The following DNM3 variants were observed in gnomAD, a reference collection of about 807,000 sequenced individuals.
DNM3 encodes the protein dynamin-3.
Under a neutral mutation model 101.6 loss-of-function variants are expected in DNM3, and 47 were observed. The ratio of observed to expected loss-of-function variants is 0.46; its 90% confidence interval spans 0.37 to 0.59. The LOEUF (loss-of-function observed/expected upper bound fraction) is 0.59, where lower values mean the gene tolerates loss of function less well. DNM3 is among the 20% of genes least tolerant of loss of function. DNM3 has a pLI of 0.00. For synonymous variants in DNM3, 385 were observed against 387.9 expected, an observed-to-expected ratio of 0.99 and a Z score of 0.09; for missense variants, 849 against 1,085.7, an observed-to-expected ratio of 0.78 and a Z score of 3.06.
intron 1 of DNM3, among the ~76,000 whole-genome samples, chr1:171,877,943 T>C (rs891934212): frequency 6.6e-6 from 1 of 152,212 alleles, no homozygotes; most frequent in Non-Finnish European, 1.5e-5. Context: ...TTTGTGAAGA[T>C]CTGTACTTGC....
At chr1:172,049,599 A>T in intron 10 of DNM3, among the ~76,000 whole-genome samples, 1 of 152,272 alleles carries the variant, frequency 6.6e-6, no homozygotes, top group Non-Finnish European at 1.5e-5. Context: ...TCTTGTATTG[A>T]AAAACACAAA....
chr1:172,007,078 C>T (rs1273131487), intron 4 of DNM3, among the ~76,000 whole-genome samples: 2 of 151,938 alleles, frequency 1.3e-5, no homozygotes. Flanking sequence ...ATCTTTAGGT[C>T]GTTTCTAGTT....
intron 15 of DNM3, among the ~76,000 whole-genome samples, chr1:172,269,202 G>A (rs548066553): frequency 2.0e-5 from 3 of 152,246 alleles, no homozygotes; most frequent in African/African-American, 7.2e-5. Context: ...AGCCCAACAC[G>A]GCTATGTAAA....
chr1:172,114,607 A>G (rs1183749686), intron 13 of DNM3, among the ~76,000 whole-genome samples: 1 of 152,196 alleles, frequency 6.6e-6, no homozygotes, highest in Non-Finnish European at 1.5e-5. Flanking sequence ...TGTTCCCTGT[A>G]CTAACACTTA....
At chr1:172,344,779 C>T (rs2066856306) in intron 17 of DNM3, among the ~76,000 whole-genome samples, 1 of 151,988 alleles carries the variant, frequency 6.6e-6, no homozygotes. Flanking sequence ...AGCTCAAACT[C>T]GAAATAGACG....
At chr1:172,248,990 A>G (rs2062063787) in intron 14 of DNM3, among the ~76,000 whole-genome samples, 1 of 152,186 alleles carries the variant, frequency 6.6e-6, no homozygotes. Context: ...GAACAAATAC[A>G]ATAATTAAAG....
In DNM3 at chr1:172,410,177, G is replaced by A; in HGVS notation, c.*2336G>A. On this transcript the variant is annotated 3_prime_UTR_variant, in exon 21 of 21. Coordinates refer to ENST00000627582, the MANE Select transcript of DNM3 (RefSeq NM_015569.5). ...TATTTTTAATTTGCTGCAGTACTAT[G>A]TCATATTATTAGTATGAATCTCATT... 1 of 985,310 alleles carries A rather than the reference G, an allele frequency of 1.0e-6. No individual in the cohort carries two copies. The highest frequency in any genetic ancestry group is 1.7e-5 in the African/African-American group (1 of 57,340). The allele number at this position is 985,310 out of a possible 1,614,324, so 61.0% of individuals were successfully genotyped here.
In DNM3 at chr1:172,396,976, T is replaced by G. The variant is rs371589700; in HGVS notation, c.2522+8167T>G. On this transcript the variant is annotated intron_variant, in intron 20 of 20. Transcript: ENST00000627582. ...GATACATTCTGTACCATGTGTATTTTTTTAAGTTTATATTAGCATTATTCT... is the reference window on the plus strand; with the variant it reads ...GATACATTCTGTACCATGTGTATTTGTTTAAGTTTATATTAGCATTATTCT... Among the ~76,000 whole-genome samples the G allele has an allele frequency of 4.6e-5, 7 of 152,306 alleles. No homozygotes were observed. In the East Asian group the frequency reaches 7.7e-4, roughly 17 times the overall value.
intron 1 of DNM3, among the ~76,000 whole-genome samples, chr1:171,916,120 T>C (rs2039689481): frequency 6.6e-6 from 1 of 152,218 alleles, no homozygotes; most frequent in African/African-American, 2.4e-5. Context: ...ACTCATTTTC[T>C]TCCCCCATTT....
chr1:172,121,798 C>A (rs775537324), intron 13 of DNM3, among the ~76,000 whole-genome samples: 2 of 152,120 alleles, frequency 1.3e-5, no homozygotes, highest in African/African-American at 2.4e-5. Context: ...AATTTTTTGG[C>A]AGCTGTATTT....
At chr1:171,974,852 C>G (rs938260439) in intron 2 of DNM3, among the ~76,000 whole-genome samples, 52 of 151,472 alleles carry the variant, frequency 3.4e-4, no homozygotes, top group African/African-American at 1.1e-3. Context: ...CCTTCTCCCC[C>G]TCTTCTTCTT....
intron 2 of DNM3, among the ~76,000 whole-genome samples, chr1:171,928,562 T>C (rs1448421850): frequency 6.6e-6 from 1 of 152,126 alleles, no homozygotes; most frequent in Admixed American, 6.5e-5. Flanking sequence ...GTGGGACCCA[T>C]GTGAGACAGT....
At chr1:172,315,088 T>C (rs2065266272) in intron 16 of DNM3, among the ~76,000 whole-genome samples, 1 of 152,062 alleles carries the variant, frequency 6.6e-6, no homozygotes, top group Non-Finnish European at 1.5e-5. Context: ...TTCATGAAAA[T>C]CCACGGTTCT....
intron 11 of DNM3, among the ~76,000 whole-genome samples, chr1:172,073,225 A>G (rs555060867): frequency 3.9e-5 from 6 of 152,042 alleles, no homozygotes; most frequent in South Asian, 2.1e-4. Flanking sequence ...ATGTATGTAT[A>G]TATGTGTGTA....
At chr1:171,932,429 G>A (rs2041100341) in intron 2 of DNM3, among the ~76,000 whole-genome samples, 1 of 151,834 alleles carries the variant, frequency 6.6e-6, no homozygotes, top group Non-Finnish European at 1.5e-5. Flanking sequence ...AAAGTGCTGG[G>A]ATTACAGGCA....
intron 1 of DNM3, among the ~76,000 whole-genome samples, chr1:171,897,956 A>G (rs1339215489): frequency 1.3e-5 from 2 of 151,930 alleles, no homozygotes; most frequent in African/African-American, 4.8e-5. Context: ...ATTTGTACAG[A>G]ACCTTTTCTT....
At chr1:171,982,500 G>A (rs978551232) in intron 2 of DNM3, among the ~76,000 whole-genome samples, 10 of 151,970 alleles carry the variant, frequency 6.6e-5, no homozygotes, top group Non-Finnish European at 8.8e-5. Context: ...TTTGGTTTCC[G>A]TAGAAAAAAG....
rs371405841 is a variant in DNM3 at position 172,147,033 on chromosome 1, TC to T, written c.1659+15749del. Among the ~76,000 whole-genome samples, 478 of 152,224 alleles carry T rather than the reference TC, an allele frequency of 3.1e-3. 2 individuals carry two copies. Among genetic ancestry groups the T allele is most frequent in the African/African-American group, 0.01 (428 of 41,550 alleles). On this transcript the variant is annotated intron_variant, in intron 14 of 20. Coordinates refer to ENST00000627582, the MANE Select transcript of DNM3 (RefSeq NM_015569.5). ...CCAGAGACAGCTATAGAAATTGAGTTCCCCTTAGAATATATGTCCATCTCCT... is the reference window on the plus strand; with the variant it reads ...CCAGAGACAGCTATAGAAATTGAGTTCCCTTAGAATATATGTCCATCTCCT...
At chr1:172,412,823 T>G (rs79772197), downstream of DNM3, 201 of 855,460 alleles carry the variant, frequency 2.3e-4, 4 homozygotes, top group East Asian at 0.023. Flanking sequence ...GTCCCAGAGT[T>G]ACCAAAGTAA....
Sources: allele counts gnomAD v4.1 joint callset (sites outside exome capture counted in the v4.1 genomes callset), GRCh38; gene constraint gnomAD v4.1.1; transcripts MANE v1.5; gene names NCBI Gene and HGNC (gene_info 2026-07-23, HGNC 2026-07-21).